POU2F1: variants seen among roughly 807,000 people sequenced by gnomAD.
The protein encoded by POU2F1 is POU class 2 homeobox 1.
In POU2F1, 16 loss-of-function variants were observed where a neutral mutation model predicts 84.9. The ratio of observed to expected loss-of-function variants is 0.19; its 90% CI spans 0.13 to 0.29. The LOEUF is 0.29. POU2F1 is among the 10% of genes least tolerant of loss of function. The pLI is 1.00. For synonymous variants in POU2F1, 368 were observed against 368.3 expected, an observed-to-expected ratio of 1.00 and a Z score of 0.01; for missense variants, 738 against 942.6, an observed-to-expected ratio of 0.78 and a Z score of 2.84.
intron 1 of POU2F1, among the ~76,000 whole-genome samples, chr1:167,232,686 T>TA (rs1181688189): frequency 2.6e-5 from 4 of 151,934 alleles, no homozygotes; most frequent in East Asian, 1.9e-4. Flanking sequence ...CTACTAAAGA[T>TA]ACAAAAATTA....
chr1:167,291,815 A>G (rs1023181800), intron 1 of POU2F1, among the ~76,000 whole-genome samples: 7 of 152,194 alleles, frequency 4.6e-5, no homozygotes, highest in African/African-American at 1.7e-4. Flanking sequence ...TAGCAAGAGA[A>G]TTTTAATAGC....
chr1:167,349,818 CAAAAAT>C (rs775408097), intron 2 of POU2F1, among the ~76,000 whole-genome samples: 21 of 152,112 alleles, frequency 1.4e-4, no homozygotes, highest in Non-Finnish European at 2.2e-4. Flanking sequence ...TGCACATAAG[CAAAAAT>C]AATTGTTTCA....
At position 167,389,636 on chromosome 1, in the gene POU2F1, C is replaced by T. The variant is rs866693878; in HGVS notation, c.862C>T (p.Pro288Ser). The change falls in exon 9 of 16, where the codon CCA (proline) becomes TCA (serine). Residue 288 changes from proline to serine, a missense_variant. By Grantham distance (74) the Pro-to-Ser change is moderately conservative. Coordinates refer to ENST00000367866, the MANE Select transcript of POU2F1 (RefSeq NM_002697.4). ...TIAATPIQTL[P>S]QSQSTPKRID... ...AGCAGCAACCCCAATTCAGACACTT[C>T]CACAGAGCCAGTCAACACCAAAGCG... The T allele has an allele frequency of 6.2e-7, 1 of 1,614,208 alleles. No homozygotes were observed. The highest frequency in any genetic ancestry group is 1.3e-5 in the African/African-American group (1 of 75,050).
chr1:167,326,879 A>C (rs1656743160), intron 1 of POU2F1, among the ~76,000 whole-genome samples: 1 of 152,232 alleles, frequency 6.6e-6, no homozygotes, highest in East Asian at 1.9e-4. Flanking sequence ...AGATGTTATT[A>C]CATAAAGTAG....
intron 13 of POU2F1, among the ~76,000 whole-genome samples, chr1:167,410,265 A>G (rs1235900637): frequency 6.6e-6 from 1 of 152,206 alleles, no homozygotes; most frequent in Non-Finnish European, 1.5e-5. Context: ...GCACAGCTTT[A>G]TAGGAGGTGA....
At chr1:167,318,924 A>G (rs560932352) in intron 1 of POU2F1, 2 of 154,098 alleles carry the variant, frequency 1.3e-5, no homozygotes, top group Admixed American at 1.3e-4. Context: ...AGCCTTTGCT[A>G]AGGGAATACT....
intron 1 of POU2F1, among the ~76,000 whole-genome samples, chr1:167,302,964 A>G (rs554907656): frequency 2.6e-5 from 4 of 152,292 alleles, no homozygotes; most frequent in African/African-American, 7.2e-5. Context: ...TGTACCAAGT[A>G]TTGGTCTTTC....
At chr1:167,331,239 G>A (rs74808511) in intron 1 of POU2F1, among the ~76,000 whole-genome samples, 3,066 of 152,092 alleles carry the variant, frequency 0.02, 105 homozygotes, top group African/African-American at 0.069. Flanking sequence ...TATTGGAAAA[G>A]CTATTACACA....
At chr1:167,343,742 G>T (rs1658019973) in intron 2 of POU2F1, among the ~76,000 whole-genome samples, 1 of 143,978 alleles carries the variant, frequency 6.9e-6, no homozygotes, top group Non-Finnish European at 1.5e-5. Context: ...TCGGGGCTGG[G>T]AGAGATGTGG....
rs369931102 is a variant in POU2F1 at position 167,358,869 on chromosome 1, TA to T, written c.128-6597del. ...GCACCTGACCTGCAGCAGTTTTTGA[TA>T]GGCCTTTTTGTTACACTTAAATTGT... On this transcript the variant is annotated intron_variant, in intron 2 of 15. Transcript: ENST00000367866. Among the ~76,000 whole-genome samples the T allele has an allele frequency of 9.5e-4, 145 of 152,022 alleles. 1 individual carries two copies. Among genetic ancestry groups the T allele is most frequent in the Non-Finnish European group, 1.8e-3 (120 of 67,970 alleles).
chr1:167,221,048 C>G, intron 1 of POU2F1, 90 bp downstream of exon 1: 2 of 1,168,808 alleles, frequency 1.7e-6, no homozygotes, highest in South Asian at 1.3e-5. Context: ...TTTATTAGTA[C>G]TCAGGATTAT....
intron 1 of POU2F1, among the ~76,000 whole-genome samples, chr1:167,232,484 G>A (rs566405158): frequency 2.1e-4 from 32 of 152,156 alleles, no homozygotes; most frequent in Non-Finnish European, 4.1e-4. Context: ...TTTTTGTATA[G>A]CTGTACAGTG....
Position 167,250,742 on chromosome 1 carries a change from A to G in POU2F1, c.61+29784A>G, listed in dbSNP as rs998644315. On this transcript the variant is annotated intron_variant, in intron 1 of 15. Transcript: ENST00000367866. Reference sequence around the variant, plus strand: ...GTAATCTGGTAAACAGAAGAAACATATAAGGGCCCAGCATATCCTAAACAT... The same window carrying G: ...GTAATCTGGTAAACAGAAGAAACATGTAAGGGCCCAGCATATCCTAAACAT... Among the ~76,000 whole-genome samples the G allele has an allele frequency of 3.9e-5, 6 of 152,374 alleles. No individual in the cohort carries two copies. In the East Asian group the frequency reaches 5.8e-4, roughly 15 times the overall value.
rs555786900 is a variant in POU2F1, at chr1:167,417,891, C to A, written c.*2081C>A. 1.3e-5 allele frequency: 2 copies of A among 152,106 alleles called. No homozygotes were observed. Among genetic ancestry groups the A allele is most frequent in the African/African-American group, 4.8e-5 (2 of 41,436 alleles). The allele number at this position is 152,106 out of a possible 1,614,324, so 9.4% of individuals were successfully genotyped here. ...CATTTTAGTCCCCTTTAAAATATTT[C>A]TTTTAGTTTATTTCTATCGTGTTTT... On this transcript the variant is annotated 3_prime_UTR_variant, in exon 16 of 16. Coordinates refer to ENST00000367866, the MANE Select transcript of POU2F1 (RefSeq NM_002697.4).
chr1:167,290,921 C>CTATAT (rs1268151463), intron 1 of POU2F1, among the ~76,000 whole-genome samples: 4 of 151,930 alleles, frequency 2.6e-5, no homozygotes, highest in Non-Finnish European at 5.9e-5. Context: ...TGGCATGTGC[C>CTATAT]TATAATCCCA....
At chr1:167,267,954 T>G (rs954986034) in intron 1 of POU2F1, among the ~76,000 whole-genome samples, 9 of 152,150 alleles carry the variant, frequency 5.9e-5, no homozygotes, top group African/African-American at 2.2e-4. Context: ...TGTGTCTTTT[T>G]TAAAATCTTG....
intron 12 of POU2F1, among the ~76,000 whole-genome samples, chr1:167,400,766 T>G (rs1052446438): frequency 1.3e-5 from 2 of 152,254 alleles, no homozygotes; most frequent in African/African-American, 4.8e-5. Flanking sequence ...CTTTTTAAAT[T>G]TGGTTTTATT....
At chr1:167,377,533 G>C (rs920898025) in intron 7 of POU2F1, among the ~76,000 whole-genome samples, 1 of 152,184 alleles carries the variant, frequency 6.6e-6, no homozygotes, top group Non-Finnish European at 1.5e-5. Context: ...CTTGCAGTGA[G>C]CCAAGATTGA....
intron 1 of POU2F1, among the ~76,000 whole-genome samples, chr1:167,239,556 A>G (rs553800562): frequency 7.7e-4 from 118 of 152,322 alleles, no homozygotes; most frequent in African/African-American, 2.8e-3. Context: ...GTCAAATTTG[A>G]TACTCCCACC....
Sources: allele counts gnomAD v4.1 joint callset (sites outside exome capture counted in the v4.1 genomes callset), GRCh38; gene constraint gnomAD v4.1.1; transcripts MANE v1.5; gene names NCBI Gene and HGNC (gene_info 2026-07-23, HGNC 2026-07-21).